ST8SIA5: variants seen among roughly 807,000 people sequenced by gnomAD.
ST8SIA5 encodes ST8 alpha-N-acetyl-neuraminide alpha-2,8-sialyltransferase 5, also known as alpha-2,8-sialyltransferase 8E.
In ST8SIA5, 24 loss-of-function variants were observed where a neutral mutation model predicts 40.2. That is an observed-to-expected ratio of 0.60 (90% CI 0.43 to 0.84). The LOEUF (loss-of-function observed/expected upper bound fraction) is 0.84. ST8SIA5 is among the 40% of genes least tolerant of loss of function. ST8SIA5 has a pLI of 0.00. For missense variants in ST8SIA5, 465 were observed against 498.5 expected (o/e 0.93, Z 0.64); for synonymous variants, 198 against 201.8 (o/e 0.98, Z 0.16).
At chr18:46,696,998 T>C (rs1374975726) in intron 2 of ST8SIA5, among the ~76,000 whole-genome samples, 2 of 151,506 alleles carry the variant, frequency 1.3e-5, no homozygotes, top group Non-Finnish European at 2.9e-5. Context: ...TGAGAATCAG[T>C]TGTGAGTCTG....
chr18:46,684,771 C>A (rs917586012), intron 5 of ST8SIA5, among the ~76,000 whole-genome samples: 2 of 152,150 alleles, frequency 1.3e-5, no homozygotes, highest in African/African-American at 2.4e-5. Context: ...CCTGCAAGAG[C>A]GAGACCACTC....
intron 1 of ST8SIA5, among the ~76,000 whole-genome samples, chr18:46,746,521 G>C (rs1405185155): frequency 6.6e-6 from 1 of 152,090 alleles, no homozygotes; most frequent in African/African-American, 2.4e-5. Flanking sequence ...GGATGTGAAG[G>C]ACCTCTTCAA....
chr18:46,727,925 G>C (rs2039947064), intron 1 of ST8SIA5, among the ~76,000 whole-genome samples: 2 of 152,304 alleles, frequency 1.3e-5, no homozygotes, highest in Middle Eastern at 6.8e-3. Flanking sequence ...ACCATGCATG[G>C]GTGTGGTGGC....
chr18:46,711,429 A>G (rs987423325), intron 1 of ST8SIA5, among the ~76,000 whole-genome samples: 2 of 152,180 alleles, frequency 1.3e-5, no homozygotes, highest in African/African-American at 4.8e-5. Flanking sequence ...TGGCACTGGA[A>G]AAGAAACCTG....
intron 1 of ST8SIA5, among the ~76,000 whole-genome samples, chr18:46,747,947 C>A (rs2040156812): frequency 6.6e-6 from 1 of 152,096 alleles, no homozygotes; most frequent in South Asian, 2.1e-4. Context: ...TGGAAACCAT[C>A]ATTCTAAGCA....
At position 46,673,794 on chromosome 18, in the gene ST8SIA5, C is replaced by G. The variant is rs2039323373; in HGVS notation, c.*6248G>C. 1 of 152,162 alleles carries G rather than the reference C, an allele frequency of 6.6e-6. No individual in the cohort carries two copies. Among genetic ancestry groups the G allele is most frequent in the Non-Finnish European group, 1.5e-5 (1 of 68,108 alleles). The allele number at this position is 152,162 out of a possible 1,614,324, so 9.4% of individuals were successfully genotyped here. A position where few individuals can be genotyped will look rare whatever the true frequency, so the allele number is the denominator to read the frequency against. ...ATTAGGATGCCCCGTAGGATGGAAT[C>G]AGCCTCCACAGACTGGCCTCGTTTG... On this transcript the variant is annotated 3_prime_UTR_variant, in exon 7 of 7. Transcript: ENST00000315087.
At chr18:46,710,609 C>T (rs1292908026) in intron 1 of ST8SIA5, among the ~76,000 whole-genome samples, 2 of 144,580 alleles carry the variant, frequency 1.4e-5, no homozygotes, top group Non-Finnish European at 3.0e-5. Context: ...GGCATGATCT[C>T]GGCTCACTGC....
rs1445175924 is a variant in ST8SIA5, at chr18:46,674,219, C to T, written c.*5823G>A. Reference sequence around the variant, plus strand: ...TTTGAGGAAGGGAAGAAGTAGACAACAAGAAACACAGAAAATGTCTCTCCC... The same window carrying T: ...TTTGAGGAAGGGAAGAAGTAGACAATAAGAAACACAGAAAATGTCTCTCCC... On this transcript the variant is annotated 3_prime_UTR_variant, in exon 7 of 7. Transcript: ENST00000315087. 6.6e-6 allele frequency: 1 copy of T among 152,158 alleles called. No homozygotes were observed. Among genetic ancestry groups the T allele is most frequent in the Non-Finnish European group, 1.5e-5 (1 of 68,036 alleles). The allele number at this position is 152,158 out of a possible 1,614,324, so 9.4% of individuals were successfully genotyped here.
rs556285258 is a variant in ST8SIA5, at chr18:46,750,665, C to T, written c.131+5713G>A. ...CTGGCATGCCACAGTTGGCCACTCT[C>T]ACTCTGACGCCCTCGTCCCTTGGTT... On this transcript the variant is annotated intron_variant, in intron 1 of 6. Transcript: ENST00000315087. Among the ~76,000 whole-genome samples, 3 of 152,276 alleles carry T rather than the reference C, an allele frequency of 2.0e-5. No individual in the cohort carries two copies. The South Asian group carries it at 6.2e-4, about 32-fold the overall frequency.
At chr18:46,756,271 A>C in intron 1 of ST8SIA5, 107 bp downstream of exon 1, 2 of 1,478,312 alleles carry the variant, frequency 1.4e-6, no homozygotes, top group Non-Finnish European at 1.8e-6. Context: ...AGCGGACCCC[A>C]CGGCCACTCA....
intron 1 of ST8SIA5, among the ~76,000 whole-genome samples, chr18:46,733,740 C>T (rs911883438): frequency 2.0e-5 from 3 of 152,102 alleles, no homozygotes; most frequent in Non-Finnish European, 2.9e-5. Context: ...CAGGTGGATG[C>T]GCTAGGTGAG....
chr18:46,756,778 T>C lies in ST8SIA5; in HGVS notation c.-270A>G. On this transcript the variant is annotated 5_prime_UTR_variant, in exon 1 of 7. Transcript: ENST00000315087. ...TTCCCCACCCCCGGGTACCTTTACC[T>C]CCAGGCGCCGGTGCCGGGTAGCCGC... The C allele has an allele frequency of 2.6e-6, 1 of 383,690 alleles. No individual in the cohort carries two copies. 23.8% of individuals were successfully genotyped at this position (383,690 alleles called of 1,614,324 possible).
rs185167480 is a variant in ST8SIA5 at position 46,751,556 on chromosome 18, C to T, written c.131+4822G>A. On this transcript the variant is annotated intron_variant, in intron 1 of 6. Transcript: ENST00000315087. ...GGATTACAGGTGTGTGCCACCACACCTGGCTAATTTTTGTATTTTTAGTAG... is the reference window on the plus strand; with the variant it reads ...GGATTACAGGTGTGTGCCACCACACTTGGCTAATTTTTGTATTTTTAGTAG... Among the ~76,000 whole-genome samples, 192 of 152,002 alleles carry T rather than the reference C, an allele frequency of 1.3e-3. 1 individual carries two copies. The South Asian group carries it at 0.018, about 14-fold the overall frequency.
chr18:46,754,974 GC>G (rs1187391073), intron 1 of ST8SIA5, among the ~76,000 whole-genome samples: 1 of 152,196 alleles, frequency 6.6e-6, no homozygotes, highest in Non-Finnish European at 1.5e-5. Context: ...CAAGAGGCAG[GC>G]CCAATCAGAT....
chr18:46,745,081 T>C (rs1042987543), intron 1 of ST8SIA5, among the ~76,000 whole-genome samples: 2 of 152,086 alleles, frequency 1.3e-5, no homozygotes, highest in Non-Finnish European at 2.9e-5. Context: ...TAGAGGGAAA[T>C]TTATAGCACT....
At position 46,671,513 on chromosome 18, in the gene ST8SIA5, A is replaced by G. The variant is rs2039309146; in HGVS notation, c.*8529T>C. On this transcript the variant is annotated 3_prime_UTR_variant, in exon 7 of 7. Transcript: ENST00000315087. ...CAGGTGGACCAGACAGGTCCTCCCC[A>G]TGCTAGAGGGCCAAGTGTGTGGTAC... is the stretch of plus-strand genomic sequence containing the variant. 1 of 152,264 alleles carries G rather than the reference A, an allele frequency of 6.6e-6. No individual in the cohort carries two copies. Among genetic ancestry groups the G allele is most frequent in the African/African-American group, 2.4e-5 (1 of 41,418 alleles). The allele number at this position is 152,264 out of a possible 1,614,324, so 9.4% of individuals were successfully genotyped here. A position where few individuals can be genotyped will look rare whatever the true frequency, so the allele number is the denominator to read the frequency against.
chr18:46,703,968 G>A (rs1052431338), intron 2 of ST8SIA5, among the ~76,000 whole-genome samples: 1 of 152,034 alleles, frequency 6.6e-6, no homozygotes, highest in East Asian at 1.9e-4. Flanking sequence ...GGGGAGCACA[G>A]CTCTTTTACC....
intron 1 of ST8SIA5, among the ~76,000 whole-genome samples, chr18:46,716,328 GC>G (rs1307877158): frequency 6.6e-6 from 1 of 152,176 alleles, no homozygotes; most frequent in Non-Finnish European, 1.5e-5. Context: ...TCGCTCTTCA[GC>G]CAAGAGGACC....
At chr18:46,698,533 A>T (rs140072079) in intron 2 of ST8SIA5, among the ~76,000 whole-genome samples, 2,393 of 152,280 alleles carry the variant, frequency 0.016, 24 homozygotes, top group Non-Finnish European at 0.026. Flanking sequence ...ACCACCCACC[A>T]CGCCAACAGT....
Sources: allele counts gnomAD v4.1 joint callset (sites outside exome capture counted in the v4.1 genomes callset), GRCh38; gene constraint gnomAD v4.1.1; transcripts MANE v1.5; gene names NCBI Gene and HGNC (gene_info 2026-07-23, HGNC 2026-07-21).